Variants in NTRK1 observed in about 807,000 individuals in gnomAD.
The protein encoded by NTRK1 is neurotrophic receptor tyrosine kinase 1.
In NTRK1, 62 loss-of-function variants were observed where a neutral mutation model predicts 86.8. The ratio of observed to expected loss-of-function variants is 0.71; its 90% CI spans 0.58 to 0.88. The LOEUF is 0.88. NTRK1 is among the 40% of genes least tolerant of loss of function. The probability of loss-of-function intolerance (pLI) is 0.00; values close to 1 mark genes in which losing one functional copy is unlikely to be tolerated. For missense variants in NTRK1, 967 were observed against 1,078.4 expected (o/e 0.90, Z 1.45); for synonymous variants, 469 against 456.6 (o/e 1.03, Z -0.35).
chr1:156,875,885 A>G, intron 12 of NTRK1, 195 bp from the exon 13 acceptor site: 1 of 1,088,786 alleles, frequency 9.2e-7, no homozygotes, highest in Admixed American at 2.0e-5. Flanking sequence ...AGCCCAAACC[A>G]TGTCCTCTCG....
intron 2 of NTRK1, chr1:156,849,242 T>G (rs750892850): frequency 1.9e-6 from 3 of 1,613,488 alleles, no homozygotes; most frequent in Non-Finnish European, 2.5e-6. Flanking sequence ...GGTTGGGGTC[T>G]CACAGGCGGC....
At chr1:156,841,406 C>G in intron 1 of NTRK1, 1 of 1,613,530 alleles carries the variant, frequency 6.2e-7, no homozygotes, top group Non-Finnish European at 8.5e-7. Flanking sequence ...CTGAAGGGGA[C>G]AGCCCTCCAG....
Position 156,861,029 on chromosome 1 carries a change from G to C in NTRK1, c.95G>C (p.Gly32Ala). The part of the protein sequence containing the change: ...LLAWLILASA[G>A]AAPCPDACCP... ...GCTTGGCTGATACTGGCATCTGCGG[G>C]CGCCGCACCCTGCCCCGATGCCTGC... Residue 32 changes from glycine to alanine, a missense_variant, in exon 1 of 17, where the codon GGC (glycine) becomes GCC (alanine). By Grantham distance (60) the Gly-to-Ala change is moderately conservative. Coordinates refer to ENST00000524377, the MANE Select transcript of NTRK1 (RefSeq NM_002529.4). 1 of 1,544,412 alleles carries C rather than the reference G, an allele frequency of 6.5e-7. No individual in the cohort carries two copies. Among genetic ancestry groups the C allele is most frequent in the Non-Finnish European group, 8.7e-7 (1 of 1,150,426 alleles).
chr1:156,849,513 G>GGGGGGGGGGGGGGGGGGGGGGGGC, intron 2 of NTRK1: 3 of 486,118 alleles, frequency 6.2e-6, no homozygotes, highest in African/African-American at 2.0e-5. Flanking sequence ...CAGGGGGTGG[G>GGGGGGGGGGGGGGGGGGGGGGGGC]AAAGGGGATG....
At chr1:156,817,349 C>T (rs1654030400) in intron 1 of NTRK1, among the ~76,000 whole-genome samples, 1 of 151,886 alleles carries the variant, frequency 6.6e-6, no homozygotes, top group Non-Finnish European at 1.5e-5. Context: ...TTGGGAGGCT[C>T]AGGCGAGAGA....
chr1:156,846,529 C>T (rs1313685973), intron 2 of NTRK1: 2 of 1,613,488 alleles, frequency 1.2e-6, no homozygotes, highest in East Asian at 2.2e-5. Flanking sequence ...CTGCAGGCAG[C>T]GTTCGGAGGT....
At chr1:156,878,124 G>C (rs73004767) in intron 14 of NTRK1, among the ~76,000 whole-genome samples, 1,938 of 152,330 alleles carry the variant, frequency 0.013, 30 homozygotes, top group African/African-American at 0.044. Flanking sequence ...TTAATGCTCA[G>C]AGATGAGTCT....
At chr1:156,879,450 A>G in intron 15 of NTRK1, 88 bp downstream of exon 15, 1 of 1,495,968 alleles carries the variant, frequency 6.7e-7, no homozygotes, top group Non-Finnish European at 9.0e-7. Flanking sequence ...TGCCCTTGCT[A>G]GGATGGCTGC....
chr1:156,851,211 C>T (rs1380725774), intron 2 of NTRK1: 1 of 1,563,336 alleles, frequency 6.4e-7, no homozygotes, highest in Non-Finnish European at 8.8e-7. Flanking sequence ...GTTCCAGAGC[C>T]CATTCTCTTC....
intron 1 of NTRK1, among the ~76,000 whole-genome samples, chr1:156,817,102 C>G (rs1264649287): frequency 4.4e-5 from 6 of 136,844 alleles, no homozygotes; most frequent in Admixed American, 1.6e-4. Context: ...ATTTCTTTCT[C>G]TCTGGAAAAT....
chr1:156,864,064 G>A (rs1178317979), intron 1 of NTRK1, among the ~76,000 whole-genome samples: 1 of 152,172 alleles, frequency 6.6e-6, no homozygotes, highest in Non-Finnish European at 1.5e-5. Context: ...GTGTGTGCAT[G>A]TGTGCAAGAG....
intron 1 of NTRK1, among the ~76,000 whole-genome samples, chr1:156,824,705 G>T (rs546984489): frequency 6.6e-6 from 1 of 152,202 alleles, no homozygotes; most frequent in Non-Finnish European, 1.5e-5. Context: ...AGCATGACAT[G>T]TTTGTCAGAG....
intron 1 of NTRK1, among the ~76,000 whole-genome samples, chr1:156,822,535 C>T (rs1374738383): frequency 6.9e-6 from 1 of 145,382 alleles, no homozygotes; most frequent in Non-Finnish European, 1.5e-5. Flanking sequence ...GCACTCCAGT[C>T]TGGATGACAG....
chr1:156,847,721 A>T (rs1323240808), intron 2 of NTRK1, among the ~76,000 whole-genome samples: 4 of 152,006 alleles, frequency 2.6e-5, no homozygotes, highest in Non-Finnish European at 5.9e-5. Context: ...CCTGTGAGGC[A>T]TGACACACTG....
intron 1 of NTRK1, chr1:156,841,824 T>A: frequency 6.2e-7 from 1 of 1,613,596 alleles, no homozygotes; most frequent in East Asian, 2.2e-5. Context: ...GTGGAGGAGG[T>A]GTGGGGCATA....
chr1:156,852,896 G>A (rs990501563), intron 2 of NTRK1, among the ~76,000 whole-genome samples: 5 of 152,124 alleles, frequency 3.3e-5, no homozygotes, highest in African/African-American at 7.2e-5. Context: ...TTACTCTCCC[G>A]CCCGCCCTGC....
intron 8 of NTRK1, 38 bp from the exon 9 acceptor site, chr1:156,874,345 C>T (rs2102908635): frequency 1.9e-6 from 3 of 1,614,010 alleles, no homozygotes; most frequent in Non-Finnish European, 2.5e-6. Context: ...GCTTTCTCTC[C>T]TCCCTCTGAC....
At chr1:156,842,380 G>A (rs1288954104) in intron 2 of NTRK1, 1 of 1,613,246 alleles carries the variant, frequency 6.2e-7, no homozygotes, top group East Asian at 2.2e-5. Flanking sequence ...CACTCCCCAG[G>A]GTCTTCCTGG....
rs2102917588 is a variant in NTRK1 at position 156,876,157 on chromosome 1, G to C, written c.1579G>C (p.Ala527Pro). ...GEGAFGKVFL[A>P]ECHNLLPEQD... is the part of the protein sequence containing the mutation. ...GGGCGCCTTTGGGAAGGTCTTCCTT[G>C]CTGAGTGCCACAACCTCCTGCCTGA... is the stretch of plus-strand genomic sequence containing the variant. Residue 527 changes from alanine to proline, a missense_variant, in exon 13 of 17, where the codon GCT becomes CCT. Physicochemically the swap from Ala to Pro is conservative, Grantham distance 27. Transcript: ENST00000524377. 6.2e-7 allele frequency: 1 copy of C among 1,614,162 alleles called. No homozygotes were observed. The highest frequency in any genetic ancestry group is 1.1e-5 in the South Asian group (1 of 91,080).
Sources: gnomAD v4.1 joint callset for allele counts (sites outside exome capture counted in the v4.1 genomes callset) on GRCh38, gnomAD v4.1.1 for gene constraint, MANE v1.5 for transcripts, NCBI Gene and HGNC (gene_info 2026-07-23, HGNC 2026-07-21) for gene names.